GRID2: variants seen among roughly 807,000 people sequenced by gnomAD.
GRID2 encodes glutamate ionotropic receptor delta type subunit 2, also known as glutamate receptor ionotropic, delta-2.
GRID2 carries 33 observed loss-of-function variants against 114.8 expected under a neutral mutation model. The observed-to-expected ratio is 0.29, with a 90% CI of 0.22 to 0.38. The LOEUF is 0.38. GRID2 is among the 10% of genes least tolerant of loss of function. The pLI is 1.00. For missense variants in GRID2, 1,184 were observed against 1,257.7 expected, an observed-to-expected ratio of 0.94 and a Z score of 0.89; for synonymous variants, 505 against 449.9, an observed-to-expected ratio of 1.12 and a Z score of -1.55.
intron 1 of GRID2, among the ~76,000 whole-genome samples, chr4:92,364,498 CAA>C (rs1437489698): frequency 6.6e-6 from 1 of 151,800 alleles, no homozygotes; most frequent in Non-Finnish European, 1.5e-5. Context: ...TATTCAATAA[CAA>C]AAAATGAATG....
At position 92,571,025 on chromosome 4, in the gene GRID2, G is replaced by A. The variant is rs139134470; in HGVS notation, c.89-19106G>A. Among the ~76,000 whole-genome samples the A allele has an allele frequency of 3.5e-3, 527 of 152,026 alleles. 1 individual carries two copies. Among genetic ancestry groups the A allele is most frequent in the African/African-American group, 0.011 (461 of 41,486 alleles). On this transcript the variant is annotated intron_variant, in intron 1 of 15. Transcript: ENST00000282020. ...ACAGTGGACAAGCTTGTCTTGTGCC[G>A]GTTTTACAAGGGGAGTGCTTCCAGT...
chr4:92,807,590 CCAA>C lies in GRID2; in HGVS notation c.244+217305_244+217307del, dbSNP rs527689354. The stretch of plus-strand genomic sequence containing the variant: ...AATATTAAAAAATACAAAAGCACTA[CCAA>C]AAGAGATGACCATGACATGAGACAT... On this transcript the variant is annotated intron_variant, in intron 2 of 15. Transcript: ENST00000282020. Among the ~76,000 whole-genome samples, 25 of 151,872 alleles carry C rather than the reference CCAA, an allele frequency of 1.6e-4. No homozygotes were observed. In the South Asian group the frequency reaches 5.2e-3, roughly 32 times the overall value.
intron 8 of GRID2, among the ~76,000 whole-genome samples, chr4:93,384,533 CT>C (rs1301838088): frequency 1.3e-5 from 2 of 152,038 alleles, no homozygotes; most frequent in Non-Finnish European, 2.9e-5. Context: ...AAATTTTTTC[CT>C]GTTTTGTCAT....
At chr4:93,362,584 T>A (rs1761977076) in intron 8 of GRID2, among the ~76,000 whole-genome samples, 1 of 152,072 alleles carries the variant, frequency 6.6e-6, no homozygotes, top group Non-Finnish European at 1.5e-5. Context: ...TGCTTCCCCT[T>A]CCATAGTGCC....
At chr4:93,517,963 A>G (rs1427586210) in intron 13 of GRID2, among the ~76,000 whole-genome samples, 1 of 35,320 alleles carries the variant, frequency 2.8e-5, no homozygotes, top group Admixed American at 2.4e-4. Flanking sequence ...ATATGTATGT[A>G]TATACATACA....
intron 1 of GRID2, among the ~76,000 whole-genome samples, chr4:92,420,880 T>G (rs1420177166): frequency 2.6e-5 from 4 of 152,108 alleles, no homozygotes; most frequent in Non-Finnish European, 5.9e-5. Context: ...AGATAGTGTT[T>G]TCACGTGTTG....
chr4:92,558,319 A>G (rs1267214146), intron 1 of GRID2, among the ~76,000 whole-genome samples: 3 of 152,128 alleles, frequency 2.0e-5, no homozygotes, highest in Admixed American at 2.0e-4. Flanking sequence ...TTTTTTGAAA[A>G]TGTCATTCTC....
intron 1 of GRID2, among the ~76,000 whole-genome samples, chr4:92,499,215 T>C (rs943602859): frequency 2.3e-4 from 35 of 152,092 alleles, no homozygotes; most frequent in African/African-American, 8.2e-4. Context: ...TTTGTTCCTT[T>C]CCTTATATTA....
At chr4:93,415,271 C>A (rs1018749825) in intron 9 of GRID2, among the ~76,000 whole-genome samples, 1 of 152,018 alleles carries the variant, frequency 6.6e-6, no homozygotes, top group Non-Finnish European at 1.5e-5. Flanking sequence ...AAGATAACTG[C>A]ACTTGCAAAG....
At chr4:93,109,139 T>A (rs1298051040) in intron 3 of GRID2, among the ~76,000 whole-genome samples, 1 of 152,196 alleles carries the variant, frequency 6.6e-6, no homozygotes, top group Non-Finnish European at 1.5e-5. Flanking sequence ...GTCTTACACC[T>A]TTATGTACAT....
intron 2 of GRID2, among the ~76,000 whole-genome samples, chr4:93,080,134 T>TTCTAAATG (rs1729724968): frequency 6.6e-6 from 1 of 152,156 alleles, no homozygotes; most frequent in Admixed American, 6.6e-5. Context: ...TTGCAAAGAA[T>TTCTAAATG]TCTAAATGTC....
chr4:93,779,300 A>G (rs1243949781), downstream of GRID2, among the ~76,000 whole-genome samples: 1 of 151,994 alleles, frequency 6.6e-6, no homozygotes, highest in Non-Finnish European at 1.5e-5. Flanking sequence ...CATAAGATCA[A>G]TCAGTCCACC....
At chr4:93,469,231 A>G (rs771069961) in intron 11 of GRID2, among the ~76,000 whole-genome samples, 14 of 152,088 alleles carry the variant, frequency 9.2e-5, no homozygotes, top group African/African-American at 1.4e-4. Flanking sequence ...TTTCTTCTCA[A>G]TCAACCTAGT....
intron 8 of GRID2, among the ~76,000 whole-genome samples, chr4:93,274,797 A>G (rs867958921): frequency 3.9e-5 from 6 of 152,018 alleles, no homozygotes; most frequent in Admixed American, 2.0e-4. Flanking sequence ...AAAAGACATC[A>G]TGTACGTGTC....
chr4:93,415,593 A>C (rs2149358705), intron 9 of GRID2, among the ~76,000 whole-genome samples: 1 of 152,172 alleles, frequency 6.6e-6, no homozygotes, highest in African/African-American at 2.4e-5. Flanking sequence ...TAATTGCCTA[A>C]TGTGTTTGGT....
intron 4 of GRID2, among the ~76,000 whole-genome samples, chr4:93,179,055 G>A (rs1468877723): frequency 6.6e-6 from 1 of 152,118 alleles, no homozygotes; most frequent in Admixed American, 6.6e-5. Context: ...AACAGAGCAG[G>A]GAGATGGGTT....
intron 14 of GRID2, among the ~76,000 whole-genome samples, chr4:93,696,556 C>CT (rs1478307463): frequency 6.6e-6 from 1 of 152,098 alleles, no homozygotes; most frequent in Non-Finnish European, 1.5e-5. Context: ...AAACTAAAAT[C>CT]TTTTTTTGTA....
chr4:93,725,974 G>T (rs1729841956), intron 14 of GRID2, among the ~76,000 whole-genome samples: 1 of 152,142 alleles, frequency 6.6e-6, no homozygotes. Context: ...CTGTGCAGAA[G>T]CTCTTTAGTT....
chr4:92,875,302 T>G, intron 2 of GRID2, among the ~76,000 whole-genome samples: 1 of 152,012 alleles, frequency 6.6e-6, no homozygotes, highest in East Asian at 1.9e-4. Flanking sequence ...TAGTTGGTAT[T>G]ACAGGCACAC....
Sources: gnomAD v4.1 joint callset for allele counts (sites outside exome capture counted in the v4.1 genomes callset) on GRCh38, gnomAD v4.1.1 for gene constraint, MANE v1.5 for transcripts, NCBI Gene and HGNC (gene_info 2026-07-23, HGNC 2026-07-21) for gene names.